The following ZNF521 variants were observed in gnomAD, a reference collection of about 807,000 sequenced individuals.
The protein encoded by ZNF521 is LYST-interacting protein 3.
In ZNF521, 14 loss-of-function variants were observed where a neutral mutation model predicts 105.5. That is an observed-to-expected ratio of 0.13 (90% CI 0.09 to 0.21). The LOEUF (loss-of-function observed/expected upper bound fraction) is 0.21, where lower values mean the gene tolerates loss of function less well. Ranked by LOEUF, ZNF521 falls within the 10% of genes least tolerant of loss-of-function variation. The probability of loss-of-function intolerance (pLI) is 1.00; values close to 1 mark genes in which losing one functional copy is unlikely to be tolerated. For missense variants in ZNF521, 1,233 were observed against 1,629.7 expected (o/e 0.76, Z 4.19); for synonymous variants, 635 against 606.0 (o/e 1.05, Z -0.70).
chr18:25,112,083 C>A (rs2034201808), intron 5 of ZNF521, among the ~76,000 whole-genome samples: 1 of 152,194 alleles, frequency 6.6e-6, no homozygotes, highest in African/African-American at 2.4e-5. Context: ...ACCAGGCATG[C>A]TTTGGCACAT....
intron 5 of ZNF521, among the ~76,000 whole-genome samples, chr18:25,185,819 A>G (rs1157495644): frequency 6.6e-6 from 1 of 152,202 alleles, no homozygotes; most frequent in Non-Finnish European, 1.5e-5. Flanking sequence ...GTAGCAGGAA[A>G]AAGTTTTTCC....
At chr18:25,245,351 AG>A (rs1311100042) in intron 3 of ZNF521, among the ~76,000 whole-genome samples, 1 of 152,228 alleles carries the variant, frequency 6.6e-6, no homozygotes, top group Non-Finnish European at 1.5e-5. Context: ...ACACATGCAT[AG>A]TCTCCCCTAT....
chr18:25,066,240 G>A (rs2033056375), intron 7 of ZNF521, among the ~76,000 whole-genome samples: 1 of 152,196 alleles, frequency 6.6e-6, no homozygotes, highest in Non-Finnish European at 1.5e-5. Flanking sequence ...CATGGTGGAA[G>A]GCAGCACGTT....
intron 3 of ZNF521, among the ~76,000 whole-genome samples, chr18:25,274,277 G>C (rs546396016): frequency 6.6e-6 from 1 of 152,244 alleles, no homozygotes; most frequent in African/African-American, 2.4e-5. Context: ...TAGTCATGGT[G>C]GTGATTTCAG....
At chr18:25,340,233 T>C (rs755362378) in intron 2 of ZNF521, among the ~76,000 whole-genome samples, 6 of 152,046 alleles carry the variant, frequency 3.9e-5, no homozygotes, top group Non-Finnish European at 8.8e-5. Flanking sequence ...TGCGCACCTA[T>C]ACTCTCAGCT....
chr18:25,070,593 A>G (rs764803095), intron 7 of ZNF521, among the ~76,000 whole-genome samples: 2 of 152,108 alleles, frequency 1.3e-5, no homozygotes, highest in Non-Finnish European at 2.9e-5. Flanking sequence ...GGGTTTCCCA[A>G]CCTCAGCACT....
chr18:25,141,844 G>C (rs4597402), intron 5 of ZNF521, among the ~76,000 whole-genome samples: 142,281 of 152,044 alleles, frequency 0.94, 66,838 homozygotes, highest in Middle Eastern at 0.99. Flanking sequence ...GAGCCATGGC[G>C]CTCTCCAAAA....
At chr18:25,266,317 C>T (rs1489613607) in intron 3 of ZNF521, among the ~76,000 whole-genome samples, 1 of 152,096 alleles carries the variant, frequency 6.6e-6, no homozygotes, top group African/African-American at 2.4e-5. Flanking sequence ...TATGTACCCA[C>T]AAAAGTTCAA....
intron 3 of ZNF521, among the ~76,000 whole-genome samples, chr18:25,233,422 T>C (rs948706256): frequency 6.6e-6 from 1 of 152,146 alleles, no homozygotes; most frequent in African/African-American, 2.4e-5. Context: ...CGAATACCCT[T>C]TACTGGGTGT....
chr18:25,068,483 G>A (rs1023071831), intron 7 of ZNF521, among the ~76,000 whole-genome samples: 3 of 151,954 alleles, frequency 2.0e-5, no homozygotes, highest in African/African-American at 7.3e-5. Context: ...CCACCTTTAA[G>A]CACTATTGCT....
chr18:25,231,316 G>A (rs1034054741), intron 3 of ZNF521, among the ~76,000 whole-genome samples: 1 of 152,194 alleles, frequency 6.6e-6, no homozygotes, highest in African/African-American at 2.4e-5. Context: ...AGATTTTGCT[G>A]GGTCTGTGTT....
chr18:25,182,571 T>G (rs1298352930), intron 5 of ZNF521, among the ~76,000 whole-genome samples: 38 of 152,226 alleles, frequency 2.5e-4, no homozygotes, highest in Admixed American at 2.5e-3. Flanking sequence ...TTCTTTATTA[T>G]AAAATTCTTG....
intron 3 of ZNF521, among the ~76,000 whole-genome samples, chr18:25,295,478 G>T (rs779988923): frequency 3.3e-5 from 5 of 152,046 alleles, no homozygotes; most frequent in African/African-American, 4.8e-5. Flanking sequence ...TAACTGGATT[G>T]TCTGTAACAC....
intron 4 of ZNF521, among the ~76,000 whole-genome samples, chr18:25,212,364 G>T (rs2036195835): frequency 1.3e-5 from 2 of 150,416 alleles, no homozygotes; most frequent in East Asian, 2.0e-4. Context: ...ACAAAAATCA[G>T]CTGGGCATGG....
intron 7 of ZNF521, among the ~76,000 whole-genome samples, chr18:25,084,864 C>T (rs1293801178): frequency 6.6e-6 from 1 of 152,142 alleles, no homozygotes; most frequent in Non-Finnish European, 1.5e-5. Flanking sequence ...GTCTATTCAA[C>T]AGGATTTTTA....
At chr18:25,106,557 G>A (rs1021416039) in intron 5 of ZNF521, among the ~76,000 whole-genome samples, 7 of 152,000 alleles carry the variant, frequency 4.6e-5, no homozygotes, top group African/African-American at 9.7e-5. Context: ...CCCCTGGTGC[G>A]ATTGTAAAGT....
chr18:25,241,888 A>AAG (rs1907362083), intron 3 of ZNF521, among the ~76,000 whole-genome samples: 1 of 152,130 alleles, frequency 6.6e-6, no homozygotes, highest in Admixed American at 6.5e-5. Context: ...ATTCAAACCC[A>AAG]CGCTGCCTTA....
intron 5 of ZNF521, among the ~76,000 whole-genome samples, chr18:25,187,572 C>G (rs141650463): frequency 2.6e-5 from 4 of 152,190 alleles, no homozygotes; most frequent in Non-Finnish European, 5.9e-5. Flanking sequence ...TTCAATGGCT[C>G]TTCATTAGCA....
Position 25,351,961 on chromosome 18 carries a change from A to AG in ZNF521, c.-2+43dup, listed in dbSNP as rs1172608081. 4.0e-5 allele frequency: 14 copies of AG among 348,304 alleles called. No homozygotes were observed. The Admixed American group carries it at 4.1e-4, about 10-fold the overall frequency. The allele number at this position is 348,304 out of a possible 1,614,324, so 21.6% of individuals were successfully genotyped here. ...GAGGAGGAGGAGAGCCGGGAGCAGG[A>AG]GGAGGAGAAGGAGTGTGCTGTGTGC... On this transcript the variant is annotated intron_variant, in intron 1 of 7. Transcript: ENST00000361524.
Sources: gnomAD v4.1 joint callset for allele counts (sites outside exome capture counted in the v4.1 genomes callset) on GRCh38, gnomAD v4.1.1 for gene constraint, MANE v1.5 for transcripts, NCBI Gene and HGNC (gene_info 2026-07-23, HGNC 2026-07-21) for gene names.